The following BRSK2 variants were observed in gnomAD, a reference collection of about 807,000 sequenced individuals.
The protein encoded by BRSK2 is serine/threonine-protein kinase BRSK2.
A neutral mutation model predicts 83.3 loss-of-function variants in BRSK2; 19 were observed. That is an observed-to-expected ratio of 0.23 (90% confidence interval 0.16 to 0.33). The LOEUF (loss-of-function observed/expected upper bound fraction) is 0.33, where lower values mean the gene tolerates loss of function less well. Among genes scored for constraint, BRSK2 ranks in the 10% least tolerant of loss-of-function variants. BRSK2 has a pLI of 1.00. For synonymous variants in BRSK2, 519 were observed against 435.4 expected (o/e 1.19, Z -2.39); for missense variants, 798 against 1,042.3 (o/e 0.77, Z 3.23).
At chr11:1,416,898 T>C (rs1324858670) in intron 1 of BRSK2, among the ~76,000 whole-genome samples, 1 of 152,098 alleles carries the variant, frequency 6.6e-6, no homozygotes, top group Admixed American at 6.6e-5. Flanking sequence ...CGGTGGCTCA[T>C]GCCTGTAATC....
chr11:1,460,074 C>A (rs1465172253), intron 19 of BRSK2, among the ~76,000 whole-genome samples: 1 of 114,756 alleles, frequency 8.7e-6, no homozygotes, highest in Non-Finnish European at 1.7e-5. Context: ...TCGGCCCTCA[C>A]GGCTGCAAGG....
intron 13 of BRSK2, 141 bp downstream of exon 13, chr11:1,449,977 C>T: frequency 3.3e-6 from 2 of 613,530 alleles, no homozygotes. Flanking sequence ...CCTGTGGCGG[C>T]TGCTGCTCTG....
intron 1 of BRSK2, among the ~76,000 whole-genome samples, chr11:1,409,228 A>G (rs1310651692): frequency 6.6e-6 from 1 of 152,188 alleles, no homozygotes; most frequent in Non-Finnish European, 1.5e-5. Context: ...TGGGGGAGTC[A>G]GGGAGAGGCT....
intron 1 of BRSK2, among the ~76,000 whole-genome samples, chr11:1,391,168 G>T (rs1432725325): frequency 2.6e-5 from 4 of 152,360 alleles, no homozygotes; most frequent in African/African-American, 9.6e-5. Flanking sequence ...AACTCTCCCC[G>T]GCCCGCTGGG....
At chr11:1,446,002 C>A (rs555283983) in intron 12 of BRSK2, 95 bp downstream of exon 12, 4 of 1,383,712 alleles carry the variant, frequency 2.9e-6, no homozygotes, top group Non-Finnish European at 3.8e-6. Context: ...CCTGGGGTCT[C>A]GGCTGAGGCC....
chr11:1,428,639 C>T (rs1414447597), intron 1 of BRSK2, among the ~76,000 whole-genome samples: 2 of 152,226 alleles, frequency 1.3e-5, no homozygotes, highest in East Asian at 3.8e-4. Flanking sequence ...TCAGTCCCCA[C>T]TTTCTTTCCT....
Position 1,450,615 on chromosome 11 carries a change from GT to G in BRSK2, c.1317del (p.Leu441SerfsTer68). ...RVTPHPSPRG[S>X]PLPTPKGTPV... ...ACCCCTCACCCCTCACCAAGGGGCAGTCCCCTCCCCACCCCCAAGGGGACAC... is the reference window on the plus strand; with the variant it reads ...ACCCCTCACCCCTCACCAAGGGGCAGCCCCTCCCCACCCCCAAGGGGACAC... On this transcript the variant is annotated frameshift_variant, in exon 14 of 20. Transcript: ENST00000528841. LOFTEE classifies it high-confidence loss of function. 1 of 1,595,324 alleles carries G rather than the reference GT, an allele frequency of 6.3e-7. No individual in the cohort carries two copies. The highest frequency in any genetic ancestry group is 8.5e-7 in the Non-Finnish European group (1 of 1,173,436).
At chr11:1,410,367 TG>T (rs1847324616) in intron 1 of BRSK2, 1 of 845,576 alleles carries the variant, frequency 1.2e-6, no homozygotes, top group Admixed American at 9.9e-5. Flanking sequence ...CGCAGAGCGG[TG>T]ACGGTCGCAG....
chr11:1,456,113 G>C (rs969544327), intron 16 of BRSK2, among the ~76,000 whole-genome samples: 8 of 152,160 alleles, frequency 5.3e-5, no homozygotes, highest in Non-Finnish European at 8.8e-5. Flanking sequence ...GAAAAGCCCG[G>C]CAGGGGCTTA....
At position 1,440,903 on chromosome 11, in the gene BRSK2, G is replaced by C; in HGVS notation, c.388G>C (p.Asp130His). 6.2e-7 allele frequency: 1 copy of C among 1,609,402 alleles called. No homozygotes were observed. The highest frequency in any genetic ancestry group is 8.5e-7 in the Non-Finnish European group (1 of 1,178,794). ...KFFRQIISAL[D>H]FCHSHSICHR... Reference sequence around the variant, plus strand: ...CTTCCGGCAGATCATCTCTGCGCTGGACTTCTGCCACAGCCACTCCATATG... The same window carrying C: ...CTTCCGGCAGATCATCTCTGCGCTGCACTTCTGCCACAGCCACTCCATATG... The change falls in exon 4 of 20, where the codon GAC becomes CAC. Residue 130 changes from aspartate (D) to histidine (H), a missense_variant. By Grantham distance (81) the Asp-to-His change is moderately conservative. Around this residue, in one of 6 missense-constraint regions of BRSK2, gnomAD observed 109 missense variants for 259.2 expected, o/e 0.42. Coordinates refer to ENST00000528841, the MANE Select transcript of BRSK2 (RefSeq NM_001256627.2).
chr11:1,457,684 C>T (rs752596112), intron 18 of BRSK2, among the ~76,000 whole-genome samples: 10 of 152,144 alleles, frequency 6.6e-5, no homozygotes, highest in Admixed American at 3.9e-4. Flanking sequence ...TCAGCAGCTC[C>T]GTGGCATGCT....
chr11:1,448,950 C>A (rs1852592464), intron 12 of BRSK2, among the ~76,000 whole-genome samples: 1 of 152,230 alleles, frequency 6.6e-6, no homozygotes, highest in Non-Finnish European at 1.5e-5. Flanking sequence ...GTGGGTAGTG[C>A]AGGCCGGGCT....
chr11:1,450,900 T>C, intron 14 of BRSK2, 106 bp downstream of exon 14: 1 of 1,151,826 alleles, frequency 8.7e-7, no homozygotes, highest in Non-Finnish European at 1.2e-6. Flanking sequence ...GGCCTGTAGC[T>C]GCAGGGGTGG....
chr11:1,459,357 C>T (rs1207635786), intron 19 of BRSK2, 118 bp downstream of exon 19: 3 of 1,151,206 alleles, frequency 2.6e-6, no homozygotes, highest in South Asian at 1.3e-5. Flanking sequence ...TAGATGTAGG[C>T]ACCCAGCAGC....
chr11:1,450,540 C>A, intron 13 of BRSK2, 47 bp from the exon 14 acceptor site: 1 of 1,046,996 alleles, frequency 9.6e-7, no homozygotes, highest in Non-Finnish European at 1.4e-6. Context: ...CCCCGGCCCC[C>A]ACCCGCCGGG....
At chr11:1,446,052 G>GCTGGGCTGGGCTGGGCTTGA (rs1852015853) in intron 12 of BRSK2, 145 bp downstream of exon 12, 1 of 370,640 alleles carries the variant, frequency 2.7e-6, no homozygotes, top group Non-Finnish European at 4.4e-6. Flanking sequence ...GCTTAGCTGG[G>GCTGGGCTGGGCTGGGCTTGA]CTGGGCTGGG....
chr11:1,450,624 C>A lies in BRSK2; in HGVS notation c.1325C>A (p.Pro442His). The A allele has an allele frequency of 6.3e-7, 1 of 1,598,998 alleles. No individual in the cohort carries two copies. Among genetic ancestry groups the A allele is most frequent in the East Asian group, 2.3e-5 (1 of 44,088 alleles). Reference sequence around the variant, plus strand: ...CCCTCACCAAGGGGCAGTCCCCTCCCCACCCCCAAGGGGACACCTGTCCAC... The same window carrying A: ...CCCTCACCAAGGGGCAGTCCCCTCCACACCCCCAAGGGGACACCTGTCCAC... ...PHPSPRGSPL[P>H]TPKGTPVHTP... Residue 442 changes from proline (P) to histidine (H), a missense_variant, in exon 14 of 20, where the codon CCC becomes CAC. Around this residue, in one of 6 missense-constraint regions of BRSK2, gnomAD observed 455 missense variants for 455.2 expected, o/e 1.00. Coordinates refer to ENST00000528841, the MANE Select transcript of BRSK2 (RefSeq NM_001256627.2).
At chr11:1,436,497 G>A (rs1239547967) in intron 2 of BRSK2, among the ~76,000 whole-genome samples, 2 of 152,154 alleles carry the variant, frequency 1.3e-5, no homozygotes, top group Non-Finnish European at 1.5e-5. Context: ...TCCTACCAGG[G>A]CACAGCTTGG....
chr11:1,420,306 G>A (rs1201625449), intron 1 of BRSK2, among the ~76,000 whole-genome samples: 1 of 152,236 alleles, frequency 6.6e-6, no homozygotes, highest in African/African-American at 2.4e-5. Flanking sequence ...AGAGAGGGGA[G>A]AGGCTGGCCA....
Sources: gnomAD v4.1 joint callset for allele counts (sites outside exome capture counted in the v4.1 genomes callset) on GRCh38, gnomAD v4.1.1 for gene constraint, gnomAD v4.1.1 regional missense constraint, MANE v1.5 for transcripts, NCBI Gene and HGNC (gene_info 2026-07-23, HGNC 2026-07-21) for gene names.